Variants in SP140 observed in about 807,000 individuals in gnomAD.
SP140 encodes SP140 nuclear body protein, also known as nuclear body protein SP140.
A neutral mutation model predicts 125.0 loss-of-function variants in SP140; 81 were observed. The observed-to-expected ratio is 0.65, with a 90% CI of 0.54 to 0.78. SP140 has a LOEUF of 0.78. SP140 is among the 30% of genes least tolerant of loss of function. The pLI is 0.00. For missense variants in SP140, 858 were observed against 1,037.0 expected, an observed-to-expected ratio of 0.83 and a Z score of 2.37; for synonymous variants, 312 against 354.0, an observed-to-expected ratio of 0.88 and a Z score of 1.33.
chr2:230,204,411 G>A (rs2043527135), intron 1 of SP140, among the ~76,000 whole-genome samples: 1 of 152,286 alleles, frequency 6.6e-6, no homozygotes, highest in South Asian at 2.1e-4. Context: ...ACGTATGTCT[G>A]CCCTAAATAT....
intron 1 of SP140, among the ~76,000 whole-genome samples, chr2:230,230,943 T>A (rs1394520648): frequency 6.6e-6 from 1 of 152,218 alleles, no homozygotes; most frequent in African/African-American, 2.4e-5. Flanking sequence ...TGTTTTGTTT[T>A]TTCCTTTTTT....
At chr2:230,187,617 G>C in the SP140 span, among the ~76,000 whole-genome samples, 1 of 151,954 alleles carries the variant, frequency 6.6e-6, no homozygotes, top group Admixed American at 6.6e-5. Flanking sequence ...GAATTTTTCT[G>C]GTTTCAGGTC....
chr2:230,199,950 T>A (rs1382340993), upstream of SP140, among the ~76,000 whole-genome samples: 1 of 152,108 alleles, frequency 6.6e-6, no homozygotes, highest in Non-Finnish European at 1.5e-5. Flanking sequence ...ACCCAGGGGA[T>A]CCTGAAAAAA....
In SP140 at chr2:230,268,973, G is replaced by A. The variant is rs536586027; in HGVS notation, c.1241-559G>A. Among the ~76,000 whole-genome samples the A allele has an allele frequency of 5.3e-5, 8 of 152,338 alleles. No individual in the cohort carries two copies. In the South Asian group the frequency reaches 1.7e-3, roughly 32 times the overall value. Reference sequence around the variant, plus strand: ...CCTAGTGGGAGGAGGCCCTGTGCTTGTAAGACACAGTCTCTATAGAAAAGG... The same window carrying A: ...CCTAGTGGGAGGAGGCCCTGTGCTTATAAGACACAGTCTCTATAGAAAAGG... On this transcript the variant is annotated intron_variant, in intron 12 of 26. Transcript: ENST00000392045.
At chr2:230,299,974 A>G (rs942105519) in intron 22 of SP140, among the ~76,000 whole-genome samples, 1 of 152,050 alleles carries the variant, frequency 6.6e-6, no homozygotes. Context: ...TGAGAATCTG[A>G]GCTCAGACAC....
At chr2:230,314,767 C>T (rs1559388777), downstream of SP140, among the ~76,000 whole-genome samples, 4 of 152,224 alleles carry the variant, frequency 2.6e-5, no homozygotes, top group East Asian at 1.9e-4. Context: ...GTGTCTCAGA[C>T]ACTAACTAAA....
chr2:230,212,806 C>T, intron 1 of SP140: 1 of 1,614,130 alleles, frequency 6.2e-7, no homozygotes, highest in Non-Finnish European at 8.5e-7. Context: ...AGAGGCAGGA[C>T]AGGGTCAGAT....
chr2:230,293,627 C>T (rs938384741), intron 20 of SP140, among the ~76,000 whole-genome samples: 7 of 152,052 alleles, frequency 4.6e-5, no homozygotes, highest in African/African-American at 9.6e-5. Context: ...ACAGCCACCC[C>T]GCCCCGCCAT....
chr2:230,290,322 A>G (rs2056968470), intron 18 of SP140, 138 bp from the exon 19 acceptor site: 1 of 755,936 alleles, frequency 1.3e-6, no homozygotes, highest in African/African-American at 1.8e-5. Context: ...GCCACTTGGA[A>G]GAAAGACTTT....
intron 3 of SP140, chr2:230,238,976 G>A (rs754645001): frequency 2.4e-4 from 355 of 1,503,810 alleles, no homozygotes; most frequent in Non-Finnish European, 2.9e-4. Flanking sequence ...TCTGGAGAAA[G>A]AAGTTGAAGT....
At chr2:230,187,164 AT>A in the SP140 span, among the ~76,000 whole-genome samples, 4 of 150,442 alleles carry the variant, frequency 2.7e-5, no homozygotes, top group Non-Finnish European at 4.4e-5. Flanking sequence ...GTTAACATCT[AT>A]TTTTTTTTGA....
In SP140 at chr2:230,280,713, G is replaced by A. The variant is rs181149539; in HGVS notation, c.1499-3633G>A. Among the ~76,000 whole-genome samples, 848 of 152,176 alleles carry A rather than the reference G, an allele frequency of 5.6e-3. 4 individuals are homozygous for A. Among genetic ancestry groups the A allele is most frequent in the Non-Finnish European group, 9.0e-3 (614 of 67,986 alleles). On this transcript the variant is annotated intron_variant, in intron 15 of 26. Coordinates refer to ENST00000392045, the MANE Select transcript of SP140 (RefSeq NM_007237.5). ...TCTTATCATGGTTTCACTACAAACT[G>A]AACACCCCATCTCTACCATTTTGGC...
intron 22 of SP140, among the ~76,000 whole-genome samples, chr2:230,298,465 G>A (rs535753366): frequency 6.6e-6 from 1 of 152,298 alleles, no homozygotes; most frequent in Non-Finnish European, 1.5e-5. Context: ...CTGGCCAACT[G>A]AGGGACTTTT....
intron 1 of SP140, chr2:230,212,647 G>T: frequency 7.2e-7 from 1 of 1,387,782 alleles, no homozygotes; most frequent in Non-Finnish European, 1.0e-6. Flanking sequence ...TTGGGTAGAT[G>T]GGTGCAAGAG....
At chr2:230,200,724 A>G, upstream of SP140, 6 of 665,560 alleles carry the variant, frequency 9.0e-6, no homozygotes, top group Non-Finnish European at 1.6e-5. Flanking sequence ...AGTAGTAAAT[A>G]TCATGGGAAG....
intron 22 of SP140, among the ~76,000 whole-genome samples, chr2:230,303,976 C>T (rs577065840): frequency 4.7e-4 from 72 of 151,866 alleles, no homozygotes; most frequent in Admixed American, 5.2e-4. Flanking sequence ...TGTTGCTGGT[C>T]GCCAATATGA....
At chr2:230,241,937 C>T (rs928826462) in intron 4 of SP140, among the ~76,000 whole-genome samples, 1 of 152,106 alleles carries the variant, frequency 6.6e-6, no homozygotes, top group Non-Finnish European at 1.5e-5. Context: ...TTAGGGGTCT[C>T]TAGTACTGTG....
chr2:230,241,686 A>G (rs2048749889), intron 4 of SP140, among the ~76,000 whole-genome samples, 199 bp downstream of exon 4: 1 of 152,234 alleles, frequency 6.6e-6, no homozygotes, highest in South Asian at 2.1e-4. Flanking sequence ...TCTCTTGAAT[A>G]GATGGAGTCT....
intron 16 of SP140, among the ~76,000 whole-genome samples, chr2:230,285,504 A>C (rs1417450245): frequency 6.6e-6 from 1 of 152,238 alleles, no homozygotes; most frequent in Non-Finnish European, 1.5e-5. Context: ...TTTTCATTTA[A>C]GTCTGAATCA....
Sources: allele counts gnomAD v4.1 joint callset (sites outside exome capture counted in the v4.1 genomes callset), GRCh38; gene constraint gnomAD v4.1.1; transcripts MANE v1.5; gene names NCBI Gene and HGNC (gene_info 2026-07-23, HGNC 2026-07-21).